The following LRRC4C variants were observed in gnomAD, a reference collection of about 807,000 sequenced individuals.
LRRC4C encodes the protein leucine rich repeat containing 4C, also known as leucine-rich repeat-containing protein 4C.
Under a neutral mutation model 33.6 loss-of-function variants are expected in LRRC4C, and 5 were observed. The observed-to-expected ratio is 0.15, with a 90% CI of 0.08 to 0.31. The LOEUF is 0.31. Ranked by LOEUF, LRRC4C falls within the 10% of genes least tolerant of loss-of-function variation. The pLI, the probability that LRRC4C is intolerant of heterozygous loss-of-function variation, is 1.00. For missense variants in LRRC4C, 560 were observed against 796.7 expected, an observed-to-expected ratio of 0.70 and a Z score of 3.58; for synonymous variants, 329 against 302.0, an observed-to-expected ratio of 1.09 and a Z score of -0.93.
chr11:40,901,926 G>C (rs1394088139), intron 2 of LRRC4C, among the ~76,000 whole-genome samples: 1 of 150,696 alleles, frequency 6.6e-6, no homozygotes, highest in East Asian at 2.0e-4. Flanking sequence ...GTAACTCCCT[G>C]GTAAGTAAAA....
At chr11:41,036,605 A>G (rs993039109) in intron 1 of LRRC4C, among the ~76,000 whole-genome samples, 1 of 152,166 alleles carries the variant, frequency 6.6e-6, no homozygotes, top group Admixed American at 6.5e-5. Context: ...TTAACATCAG[A>G]CTGAGGTTCA....
intron 2 of LRRC4C, among the ~76,000 whole-genome samples, chr11:40,723,230 A>G (rs1221813703): frequency 6.6e-6 from 1 of 152,088 alleles, no homozygotes; most frequent in Non-Finnish European, 1.5e-5. Flanking sequence ...AGAGAGGTCA[A>G]CAGGGGAATA....
At chr11:40,363,206 C>T (rs1334241819) in intron 3 of LRRC4C, among the ~76,000 whole-genome samples, 1 of 152,168 alleles carries the variant, frequency 6.6e-6, no homozygotes, top group Non-Finnish European at 1.5e-5. Context: ...TACATATACA[C>T]TATGGAATAC....
In LRRC4C at chr11:41,391,626, T is replaced by C. The variant is rs116689173; in HGVS notation, c.-496+67805A>G. Reference sequence around the variant, plus strand: ...TTCCAATGCTATAATTCTCACTTATTTCCACATTTGATAAGTATTTATTGA... The same window carrying C: ...TTCCAATGCTATAATTCTCACTTATCTCCACATTTGATAAGTATTTATTGA... On this transcript the variant is annotated intron_variant, in intron 1 of 6. Transcript: ENST00000528697. Among the ~76,000 whole-genome samples the C allele has an allele frequency of 3.5e-3, 530 of 152,016 alleles. 6 individuals carry two copies. The highest frequency in any genetic ancestry group is 0.013 in the African/African-American group (519 of 41,510).
At chr11:41,045,285 G>A (rs1331396571) in intron 1 of LRRC4C, among the ~76,000 whole-genome samples, 2 of 151,918 alleles carry the variant, frequency 1.3e-5, no homozygotes, top group African/African-American at 2.4e-5. Flanking sequence ...AGACCATGGG[G>A]CATAGATAAT....
chr11:40,652,015 C>A (rs1942834546), intron 2 of LRRC4C, among the ~76,000 whole-genome samples: 1 of 152,160 alleles, frequency 6.6e-6, no homozygotes, highest in South Asian at 2.1e-4. Context: ...TTTGACCATT[C>A]TTTACAAAAA....
At chr11:40,618,054 AG>A in intron 3 of LRRC4C, among the ~76,000 whole-genome samples, 1 of 151,830 alleles carries the variant, frequency 6.6e-6, no homozygotes, top group African/African-American at 2.4e-5. Context: ...TGGCACCATC[AG>A]GAAGTTTGAA....
chr11:40,894,340 A>T (rs1354667656), intron 2 of LRRC4C, among the ~76,000 whole-genome samples: 1 of 152,134 alleles, frequency 6.6e-6, no homozygotes, highest in Non-Finnish European at 1.5e-5. Context: ...AGCAAAGGAA[A>T]GACTTCCATT....
At chr11:41,318,623 C>T (rs1186101698) in intron 1 of LRRC4C, among the ~76,000 whole-genome samples, 2 of 152,332 alleles carry the variant, frequency 1.3e-5, no homozygotes, top group African/African-American at 4.8e-5. Context: ...TGTTGCTACT[C>T]CAGTCACTGG....
chr11:41,024,899 A>G (rs1300135139), intron 1 of LRRC4C, among the ~76,000 whole-genome samples: 1 of 151,552 alleles, frequency 6.6e-6, no homozygotes, highest in East Asian at 1.9e-4. Context: ...ACATTTTAGT[A>G]ATTTTCACAA....
At chr11:41,156,483 C>T (rs1944238138) in intron 1 of LRRC4C, among the ~76,000 whole-genome samples, 1 of 152,028 alleles carries the variant, frequency 6.6e-6, no homozygotes, top group African/African-American at 2.4e-5. Context: ...TTAACATTAA[C>T]AATTTCCCAC....
At chr11:40,162,605 C>G (rs1226731209) in intron 5 of LRRC4C, among the ~76,000 whole-genome samples, 2 of 152,150 alleles carry the variant, frequency 1.3e-5, no homozygotes, top group African/African-American at 4.8e-5. Context: ...AAGAAATCTG[C>G]AAATGTTTCG....
At chr11:41,240,412 A>G (rs1300345623) in intron 1 of LRRC4C, among the ~76,000 whole-genome samples, 3 of 152,192 alleles carry the variant, frequency 2.0e-5, no homozygotes, top group African/African-American at 7.2e-5. Flanking sequence ...AAAAACGTAC[A>G]GCCTGAAAAA....
In LRRC4C at chr11:40,390,851, CTCTTT is replaced by C. The variant is rs1011237194; in HGVS notation, c.-269-71135_-269-71131del. On this transcript the variant is annotated intron_variant, in intron 3 of 6. Transcript: ENST00000528697. ...CTCCTTCATATTGTATGGAAATAAT[CTCTTT>C]TCTTTTCTTTTCCTTTTTTTGTTTT... is the stretch of plus-strand genomic sequence containing the variant. Among the ~76,000 whole-genome samples, 40 of 152,024 alleles carry C rather than the reference CTCTTT, an allele frequency of 2.6e-4. 3 individuals carry two copies. The highest frequency in any genetic ancestry group is 1.2e-3 in the Admixed American group (18 of 15,246).
chr11:40,133,769 G>C (rs1856801185), intron 6 of LRRC4C, among the ~76,000 whole-genome samples: 1 of 152,110 alleles, frequency 6.6e-6, no homozygotes, highest in Admixed American at 6.5e-5. Flanking sequence ...AGCAATCAGT[G>C]AAAGGTATGT....
chr11:41,099,666 A>C (rs1941043231), intron 1 of LRRC4C, among the ~76,000 whole-genome samples: 1 of 152,180 alleles, frequency 6.6e-6, no homozygotes, highest in Non-Finnish European at 1.5e-5. Flanking sequence ...ACTCTCTATA[A>C]ACCAGATATT....
intron 3 of LRRC4C, among the ~76,000 whole-genome samples, chr11:40,600,030 T>A (rs948346125): frequency 6.6e-6 from 1 of 152,208 alleles, no homozygotes; most frequent in Non-Finnish European, 1.5e-5. Context: ...TGTATTCTCA[T>A]ATAGTACAGG....
chr11:40,313,611 T>C (rs1317181030), intron 4 of LRRC4C, among the ~76,000 whole-genome samples: 2 of 132,618 alleles, frequency 1.5e-5, no homozygotes, highest in Non-Finnish European at 3.2e-5. Context: ...TTTTTTTTTT[T>C]TTTTTTTTTT....
At chr11:40,603,705 G>C (rs1193527634) in intron 3 of LRRC4C, among the ~76,000 whole-genome samples, 1 of 152,142 alleles carries the variant, frequency 6.6e-6, no homozygotes, top group Non-Finnish European at 1.5e-5. Flanking sequence ...GCAACGCAGA[G>C]GAGACCCTTA....
Sources: gnomAD v4.1 joint callset for allele counts (sites outside exome capture counted in the v4.1 genomes callset) on GRCh38, gnomAD v4.1.1 for gene constraint, MANE v1.5 for transcripts, NCBI Gene and HGNC (gene_info 2026-07-23, HGNC 2026-07-21) for gene names.